Variants in COL9A1 observed in about 807,000 individuals in gnomAD.
The protein encoded by COL9A1 is collagen type IX alpha 1 chain, also known as collagen alpha-1(IX) chain.
Under a neutral mutation model 142.6 loss-of-function variants are expected in COL9A1, and 104 were observed. The ratio of observed to expected loss-of-function variants is 0.73; its 90% CI spans 0.62 to 0.86. The LOEUF (loss-of-function observed/expected upper bound fraction) is 0.86, where lower values mean the gene tolerates loss of function less well. Ranked by LOEUF, COL9A1 falls within the 40% of genes least tolerant of loss-of-function variation. The probability of loss-of-function intolerance (pLI) is 0.00; values close to 1 mark genes in which losing one functional copy is unlikely to be tolerated. For missense variants in COL9A1, 1,210 were observed against 1,176.6 expected (o/e 1.03, Z -0.42); for synonymous variants, 466 against 396.0 (o/e 1.18, Z -2.10).
chr6:70,248,509 T>C (rs1770736436), intron 28 of COL9A1, among the ~76,000 whole-genome samples: 1 of 152,216 alleles, frequency 6.6e-6, no homozygotes, highest in Admixed American at 6.5e-5. Context: ...GTGTGAGGCA[T>C]TGTTAAAAAT....
In COL9A1 at chr6:70,216,240, T is replaced by G. The variant is rs1225891029; in HGVS notation, c.*657A>C. The G allele has an allele frequency of 6.5e-6, 1 of 152,690 alleles. No homozygotes were observed. The highest frequency in any genetic ancestry group is 1.5e-5 in the Non-Finnish European group (1 of 68,064). 9.5% of individuals were successfully genotyped at this position (152,690 alleles called of 1,614,324 possible). A position where few individuals can be genotyped will look rare whatever the true frequency, so the allele number is the denominator to read the frequency against. Reference sequence around the variant, plus strand: ...AATGCCAGAGTATTAAAATTATTTCTTTGCTTTCACATAGAAGCGCTCAAA... The same window carrying G: ...AATGCCAGAGTATTAAAATTATTTCGTTGCTTTCACATAGAAGCGCTCAAA... On this transcript the variant is annotated 3_prime_UTR_variant, in exon 38 of 38. Transcript: ENST00000357250.
chr6:70,268,929 G>T, intron 16 of COL9A1, 69 bp from the exon 17 acceptor site: 2 of 1,354,696 alleles, frequency 1.5e-6, no homozygotes, highest in Non-Finnish European at 2.1e-6. Flanking sequence ...CTCCCGCTTT[G>T]TGACAGTATC....
At chr6:70,221,851 C>T (rs537508042) in intron 37 of COL9A1, among the ~76,000 whole-genome samples, 1 of 152,170 alleles carries the variant, frequency 6.6e-6, no homozygotes, top group East Asian at 1.9e-4. Flanking sequence ...TTGAGACAAC[C>T]GACCAAGCAA....
At chr6:70,280,758 TC>T in intron 10 of COL9A1, 53 bp downstream of exon 10, 1 of 1,507,166 alleles carries the variant, frequency 6.6e-7, no homozygotes, top group Non-Finnish European at 9.1e-7. Context: ...ACACACTTAC[TC>T]GTACCCACCA....
At chr6:70,298,442 A>T (rs969464884) in intron 4 of COL9A1, among the ~76,000 whole-genome samples, 1 of 152,082 alleles carries the variant, frequency 6.6e-6, no homozygotes, top group Non-Finnish European at 1.5e-5. Context: ...TTATTCTCCT[A>T]CTTTCTTTTC....
chr6:70,252,011 T>A, intron 28 of COL9A1, 109 bp downstream of exon 28: 6 of 1,137,220 alleles, frequency 5.3e-6, no homozygotes. Context: ...TGGACTAGCA[T>A]GGGCTCAAAC....
chr6:70,230,498 G>GA (rs1769477122), intron 36 of COL9A1, among the ~76,000 whole-genome samples: 1 of 152,120 alleles, frequency 6.6e-6, no homozygotes, highest in Admixed American at 6.5e-5. Context: ...GAATACTGAA[G>GA]AAAAATTAAG....
intron 18 of COL9A1, 148 bp downstream of exon 18, chr6:70,266,569 G>T: frequency 1.4e-6 from 1 of 700,068 alleles, no homozygotes; most frequent in Non-Finnish European, 2.6e-6. Context: ...AAATATTGAT[G>T]CATCTGCTTA....
At chr6:70,301,427 A>C (rs1241545152) in intron 2 of COL9A1, among the ~76,000 whole-genome samples, 1 of 152,138 alleles carries the variant, frequency 6.6e-6, no homozygotes, top group Non-Finnish European at 1.5e-5. Context: ...AATATAAAAA[A>C]TTAGCCAGGC....
intron 5 of COL9A1, among the ~76,000 whole-genome samples, chr6:70,288,243 C>T (rs965569883): frequency 1.4e-4 from 21 of 152,132 alleles, no homozygotes; most frequent in African/African-American, 4.3e-4. Context: ...ATCTTTGATT[C>T]CTCTTTTTCT....
intron 12 of COL9A1, among the ~76,000 whole-genome samples, chr6:70,273,073 A>T (rs1772512756): frequency 6.6e-6 from 1 of 152,210 alleles, no homozygotes; most frequent in Admixed American, 6.5e-5. Flanking sequence ...CAATGCACTG[A>T]TAATGATATT....
At chr6:70,257,142 C>A (rs1242715447) in intron 20 of COL9A1, among the ~76,000 whole-genome samples, 4 of 149,074 alleles carry the variant, frequency 2.7e-5, no homozygotes, top group African/African-American at 9.9e-5. Flanking sequence ...CTCACTGCAA[C>A]CTCCGCCCCC....
intron 16 of COL9A1, among the ~76,000 whole-genome samples, 154 bp from the exon 17 acceptor site, chr6:70,269,014 TTTA>T (rs1039662800): frequency 2.0e-5 from 3 of 152,202 alleles, no homozygotes; most frequent in Non-Finnish European, 2.9e-5. Flanking sequence ...CCCTTTCCTT[TTTA>T]TTATTATTAT....
chr6:70,263,612 TAAAG>T (rs887983107), intron 18 of COL9A1, among the ~76,000 whole-genome samples: 2 of 151,726 alleles, frequency 1.3e-5, no homozygotes, highest in African/African-American at 4.8e-5. Flanking sequence ...TCAAGAAAAA[TAAAG>T]AGAGATAGAG....
chr6:70,261,672 G>T (rs919964038), intron 19 of COL9A1, among the ~76,000 whole-genome samples: 15 of 152,206 alleles, frequency 9.9e-5, no homozygotes, highest in African/African-American at 3.6e-4. Flanking sequence ...GGATGATCCA[G>T]TTTAGGATAT....
At position 70,216,678 on chromosome 6, in the gene COL9A1, T is replaced by A; in HGVS notation, c.*219A>T. On this transcript the variant is annotated 3_prime_UTR_variant, in exon 38 of 38. Coordinates refer to ENST00000357250, the MANE Select transcript of COL9A1 (RefSeq NM_001851.6). ...TCTTTTTTTTTTTTTAACTGATGAC[T>A]CTGCTGTCTTCCCTCCAAGGGAAAG... The A allele has an allele frequency of 1.7e-6, 1 of 579,004 alleles. No individual in the cohort carries two copies. The highest frequency in any genetic ancestry group is 2.9e-5 in the East Asian group (1 of 34,190). The allele number at this position is 579,004 out of a possible 1,614,324, so 35.9% of individuals were successfully genotyped here.
intron 4 of COL9A1, among the ~76,000 whole-genome samples, chr6:70,299,710 G>A (rs940042332): frequency 3.3e-5 from 5 of 152,156 alleles, no homozygotes; most frequent in Non-Finnish European, 7.3e-5. Context: ...TTAAATTTAT[G>A]CTTACCCTCT....
chr6:70,216,667 T>TTTG lies in COL9A1; in HGVS notation c.*229_*230insCAA. ...GTGTTTGGTTTTCTTTTTTTTTTTT[T>TTTG]AACTGATGACTCTGCTGTCTTCCCT... On this transcript the variant is annotated 3_prime_UTR_variant, in exon 38 of 38. Coordinates refer to ENST00000357250, the MANE Select transcript of COL9A1 (RefSeq NM_001851.6). 7 of 558,466 alleles carry TTTG rather than the reference T, an allele frequency of 1.3e-5. No homozygotes were observed. The highest frequency in any genetic ancestry group is 2.2e-5 in the Non-Finnish European group (7 of 312,058). The allele number at this position is 558,466 out of a possible 1,614,324, so 34.6% of individuals were successfully genotyped here.
At chr6:70,216,072 C>T (rs983222238), downstream of COL9A1, 3 of 152,420 alleles carry the variant, frequency 2.0e-5, no homozygotes, top group African/African-American at 7.3e-5. Flanking sequence ...TCTAAATAAG[C>T]TCAGTAACTT....
Sources: gnomAD v4.1 joint callset for allele counts (sites outside exome capture counted in the v4.1 genomes callset) on GRCh38, gnomAD v4.1.1 for gene constraint, MANE v1.5 for transcripts, NCBI Gene and HGNC (gene_info 2026-07-23, HGNC 2026-07-21) for gene names.